Variants in SRGAP2B observed in about 807,000 individuals in gnomAD.
SRGAP2B encodes SLIT-ROBO Rho GTPase-activating protein 2B.
In SRGAP2B, 9 loss-of-function variants were observed where a neutral mutation model predicts 22.2. The observed-to-expected ratio is 0.41, with a 90% CI of 0.24 to 0.71. SRGAP2B has a LOEUF of 0.71. Among genes scored for constraint, SRGAP2B ranks in the 30% least tolerant of loss-of-function variants. The pLI, the probability that SRGAP2B is intolerant of heterozygous loss-of-function variation, is 0.35. For missense variants in SRGAP2B, 114 were observed against 235.8 expected (o/e 0.48, Z 3.38); for synonymous variants, 36 against 87.4 (o/e 0.41, Z 3.28).
At chr1:144,975,438 A>C (rs587768763) in intron 3 of SRGAP2B, among the ~76,000 whole-genome samples, 2 of 148,904 alleles carry the variant, frequency 1.3e-5, no homozygotes, top group East Asian at 3.9e-4. Context: ...AATAAGATTA[A>C]TATTCTCATG....
At chr1:144,971,365 A>C (rs1668503072) in intron 3 of SRGAP2B, among the ~76,000 whole-genome samples, 1 of 150,222 alleles carries the variant, frequency 6.7e-6, no homozygotes, top group Admixed American at 6.6e-5. Context: ...TCCTGACCTC[A>C]GGTGATCTGT....
intron 4 of SRGAP2B, among the ~76,000 whole-genome samples, chr1:144,942,237 T>TA (rs1383698264): frequency 6.7e-6 from 1 of 148,418 alleles, no homozygotes; most frequent in East Asian, 2.0e-4. Context: ...ATGCTTTTTT[T>TA]AAAAAAATTA....
chr1:144,998,873 C>G (rs1670904011), intron 2 of SRGAP2B, among the ~76,000 whole-genome samples: 1 of 150,972 alleles, frequency 6.6e-6, no homozygotes, highest in South Asian at 2.1e-4. Context: ...GGCAGCTATG[C>G]TGGCCCCAGT....
chr1:145,030,306 T>C (rs500792), intron 2 of SRGAP2B, among the ~76,000 whole-genome samples: 8 of 150,472 alleles, frequency 5.3e-5, no homozygotes, highest in South Asian at 2.1e-4. Context: ...TATTCTTCCA[T>C]CCTTTCCTTA....
chr1:145,016,505 T>C (rs587658427), intron 2 of SRGAP2B, among the ~76,000 whole-genome samples: 1 of 28,860 alleles, frequency 3.5e-5, no homozygotes, highest in South Asian at 1.1e-3. Flanking sequence ...ATGGGCATAT[T>C]CAGAATTTGC....
chr1:144,940,700 G>A (rs1390341544), intron 4 of SRGAP2B, among the ~76,000 whole-genome samples: 2 of 148,198 alleles, frequency 1.3e-5, no homozygotes, highest in African/African-American at 5.2e-5. Context: ...CTACTCGGGA[G>A]GCTGAGGCAC....
intron 4 of SRGAP2B, among the ~76,000 whole-genome samples, chr1:144,953,854 C>A (rs1259246939): frequency 1.3e-5 from 2 of 150,416 alleles, no homozygotes; most frequent in African/African-American, 2.5e-5. Context: ...CTCGGATGAA[C>A]AAAGAAAACG....
intron 4 of SRGAP2B, among the ~76,000 whole-genome samples, chr1:144,932,629 C>A (rs1665285818): frequency 7.4e-6 from 1 of 135,168 alleles, no homozygotes; most frequent in Non-Finnish European, 1.6e-5. Context: ...GAAATATTTT[C>A]TTAGGCAAGT....
chr1:144,910,430 G>T (rs1663336365), intron 5 of SRGAP2B, among the ~76,000 whole-genome samples: 1 of 145,636 alleles, frequency 6.9e-6, no homozygotes, highest in African/African-American at 2.7e-5. Context: ...AAGCAGAGTT[G>T]AGGGACTATT....
intron 2 of SRGAP2B, among the ~76,000 whole-genome samples, chr1:145,012,957 C>T (rs1314018231): frequency 6.7e-6 from 1 of 150,120 alleles, no homozygotes; most frequent in Non-Finnish European, 1.5e-5. Flanking sequence ...TGGTGGTGCA[C>T]CTGTAAGCCC....
intron 3 of SRGAP2B, among the ~76,000 whole-genome samples, chr1:144,991,434 G>C (rs1670216494): frequency 6.8e-6 from 1 of 147,368 alleles, no homozygotes; most frequent in Non-Finnish European, 1.5e-5. Context: ...TCTAGCTCAA[G>C]GACTGTAAAT....
intron 2 of SRGAP2B, among the ~76,000 whole-genome samples, chr1:144,999,207 G>A (rs1489151094): frequency 2.0e-5 from 3 of 150,676 alleles, no homozygotes; most frequent in African/African-American, 7.5e-5. Flanking sequence ...GAGCTATGGA[G>A]ATGGTGGGGT....
At chr1:145,081,307 A>T (rs1553634693) in intron 2 of SRGAP2B, among the ~76,000 whole-genome samples, 1 of 149,950 alleles carries the variant, frequency 6.7e-6, no homozygotes, top group Admixed American at 6.6e-5. Context: ...CATAAGAAGC[A>T]CTTGATAAAC....
At chr1:144,933,130 G>A (rs1483282757) in intron 4 of SRGAP2B, among the ~76,000 whole-genome samples, 8 of 151,410 alleles carry the variant, frequency 5.3e-5, no homozygotes, top group South Asian at 4.2e-4. Context: ...TGAGTATTAC[G>A]GGCCAGAAGG....
chr1:144,941,564 G>A (rs1666054957), intron 4 of SRGAP2B, among the ~76,000 whole-genome samples: 1 of 149,918 alleles, frequency 6.7e-6, no homozygotes, highest in Admixed American at 6.6e-5. Flanking sequence ...AAGAAAGGTA[G>A]GATCTAGTAG....
chr1:144,984,860 C>T (rs1366285555), intron 3 of SRGAP2B, among the ~76,000 whole-genome samples: 1 of 150,324 alleles, frequency 6.7e-6, no homozygotes, highest in Non-Finnish European at 1.5e-5. Context: ...GGGTCAAGGC[C>T]CTCCACAATA....
chr1:145,022,094 T>C (rs1455275454), intron 2 of SRGAP2B, among the ~76,000 whole-genome samples: 1 of 140,470 alleles, frequency 7.1e-6, no homozygotes, highest in Non-Finnish European at 1.5e-5. Flanking sequence ...GCAAGCAGAG[T>C]TCCCAGCCTA....
intron 2 of SRGAP2B, among the ~76,000 whole-genome samples, chr1:145,081,437 C>G (rs879591608): frequency 4.0e-5 from 6 of 150,788 alleles, no homozygotes; most frequent in Admixed American, 1.3e-4. Context: ...AAAATCATGG[C>G]AGCCAATGAC....
intron 3 of SRGAP2B, among the ~76,000 whole-genome samples, chr1:144,973,259 A>G (rs587668761): frequency 6.8e-6 from 1 of 147,404 alleles, no homozygotes; most frequent in African/African-American, 2.7e-5. Context: ...GAGATTCATG[A>G]TCAAAATGTT....
Sources: gnomAD v4.1 joint callset for allele counts (sites outside exome capture counted in the v4.1 genomes callset) on GRCh38, gnomAD v4.1.1 for gene constraint, MANE v1.5 for transcripts, NCBI Gene and HGNC (gene_info 2026-07-23, HGNC 2026-07-21) for gene names.